XDH: variants seen among roughly 807,000 people sequenced by gnomAD.
XDH encodes the protein xanthine dehydrogenase, also known as xanthine dehydrogenase/oxidase.
In XDH, 138 loss-of-function variants were observed where a neutral mutation model predicts 156.1. The observed-to-expected ratio is 0.88, with a 90% CI of 0.77 to 1.02. XDH has a LOEUF of 1.02. Among genes scored for constraint, XDH ranks in the 50% least tolerant of loss-of-function variants. The pLI is 0.00. For synonymous variants in XDH, 669 were observed against 625.7 expected (o/e 1.07, Z -1.03); for missense variants, 1,849 against 1,684.9 (o/e 1.10, Z -1.71).
rs1572538942 is a variant in XDH at position 31,372,290 on chromosome 2, A to G, written c.1794T>C (p.Pro598=). 6.2e-7 allele frequency: 1 copy of G among 1,614,218 alleles called. No homozygotes were observed. The highest frequency in any genetic ancestry group is 2.2e-5 in the East Asian group (1 of 44,882). Residue 598 remains proline (P), a synonymous_variant, in exon 17 of 36, where the codon CCT becomes CCC. Transcript: ENST00000379416. The stretch of plus-strand genomic sequence containing the variant: ...GGAGAGACAGCTCATTCTCGTAGCG[A>G]GGAATGTCGTCACAGTACACGGCCT... The part of the protein sequence containing the change: ...SGEAVYCDDI[P]RYENELSLRL...
intron 24 of XDH, among the ~76,000 whole-genome samples, chr2:31,362,620 TC>T (rs1685805708): frequency 6.6e-6 from 1 of 152,222 alleles, no homozygotes; most frequent in Admixed American, 6.5e-5. Context: ...TTACTAAAAT[TC>T]AGCTCATCTT....
chr2:31,372,156 G>A, intron 17 of XDH, 72 bp downstream of exon 17: 1 of 1,610,982 alleles, frequency 6.2e-7, no homozygotes, highest in South Asian at 1.1e-5. Flanking sequence ...AGCAGGGTGA[G>A]AGAAGTCTCC....
intron 24 of XDH, among the ~76,000 whole-genome samples, chr2:31,354,626 G>A (rs933514967): frequency 6.6e-6 from 1 of 152,120 alleles, no homozygotes; most frequent in African/African-American, 2.4e-5. Flanking sequence ...GAATTGAAAA[G>A]GCAACAACCA....
At chr2:31,365,136 T>C (rs1027593192) in intron 23 of XDH, among the ~76,000 whole-genome samples, 3 of 152,222 alleles carry the variant, frequency 2.0e-5, no homozygotes, top group Non-Finnish European at 4.4e-5. Flanking sequence ...CCTGTGATCA[T>C]GTTAATGTTG....
At chr2:31,356,020 G>A (rs114954044) in intron 24 of XDH, among the ~76,000 whole-genome samples, 2 of 152,228 alleles carry the variant, frequency 1.3e-5, no homozygotes, top group Non-Finnish European at 2.9e-5. Context: ...AATTACCAGA[G>A]ACAGAGAGAA....
At chr2:31,337,892 G>T in intron 34 of XDH, 75 bp from the exon 35 acceptor site, 2 of 1,539,492 alleles carry the variant, frequency 1.3e-6, no homozygotes, top group East Asian at 2.3e-5. Context: ...GGACCTAGGA[G>T]GCCAGGCAGC....
chr2:31,410,287 G>A (rs963385625), intron 1 of XDH, among the ~76,000 whole-genome samples: 1 of 152,270 alleles, frequency 6.6e-6, no homozygotes, highest in African/African-American at 2.4e-5. Flanking sequence ...AAGAAGTTAT[G>A]GAGGTGGACG....
chr2:31,412,150 A>G (rs966146526), intron 1 of XDH, among the ~76,000 whole-genome samples: 1 of 152,222 alleles, frequency 6.6e-6, no homozygotes, highest in African/African-American at 2.4e-5. Context: ...GCTGCCTTGC[A>G]AAAAGGCTGT....
intron 16 of XDH, 90 bp downstream of exon 16, chr2:31,373,783 C>T: frequency 7.6e-7 from 1 of 1,307,632 alleles, no homozygotes; most frequent in Admixed American, 1.9e-5. Flanking sequence ...ATATACAATT[C>T]AAGTTAGTCA....
chr2:31,375,019 CTTTCTTTT>C (rs1686195820), intron 15 of XDH, among the ~76,000 whole-genome samples: 3 of 101,248 alleles, frequency 3.0e-5, no homozygotes, highest in Non-Finnish European at 5.7e-5. Flanking sequence ...TTCTTTCTTT[CTTTCTTTT>C]TTTTTTTTTT....
At position 31,414,630 on chromosome 2, in the gene XDH, T is replaced by C; in HGVS notation, c.37A>G (p.Arg13Gly). ...ADKLVFFVNG[R>G]KVVEKNADPE... is the part of the protein sequence containing the mutation. Reference sequence around the variant, plus strand: ...AAAGGTCAGCTCCTACTTACCTTTCTGCCATTCACAAAGAAAACCAATTTG... The same window carrying C: ...AAAGGTCAGCTCCTACTTACCTTTCCGCCATTCACAAAGAAAACCAATTTG... The change falls in exon 1 of 36, where the codon AGA becomes GGA. Residue 13 changes from arginine to glycine, a missense_variant. Transcript: ENST00000379416. The C allele has an allele frequency of 6.2e-7, 1 of 1,614,134 alleles. No individual in the cohort carries two copies. Among genetic ancestry groups the C allele is most frequent in the South Asian group, 1.1e-5 (1 of 91,084 alleles).
intron 26 of XDH, 90 bp from the exon 27 acceptor site, chr2:31,349,070 T>C (rs2148755804): frequency 1.5e-6 from 2 of 1,302,116 alleles, no homozygotes; most frequent in East Asian, 2.5e-5. Context: ...CAGGACATCC[T>C]TGGGGTTGCC....
At chr2:31,342,122 T>C in intron 32 of XDH, 61 bp downstream of exon 32, 2 of 1,459,092 alleles carry the variant, frequency 1.4e-6, no homozygotes, top group Non-Finnish European at 1.9e-6. Flanking sequence ...CTCTAGGTAT[T>C]ACAACTCAGT....
intron 24 of XDH, among the ~76,000 whole-genome samples, chr2:31,355,539 C>A (rs2148760406): frequency 6.6e-6 from 1 of 151,884 alleles, no homozygotes; most frequent in East Asian, 1.9e-4. Context: ...CTATACTTCA[C>A]CAAAACTAGT....
At position 31,370,443 on chromosome 2, in the gene XDH, C is replaced by T. The variant is rs1257515718; in HGVS notation, c.1892G>A (p.Gly631Glu). ...IDTSEAKKVP[G>E]FVCFISADDV... is the part of the protein sequence containing the mutation. ...ATCAGCGGAAATGAAACAAACAAAC[C>T]CTGGAACCTTCTTAGCTTCTGATGT... Residue 631 changes from glycine (G) to glutamate (E), a missense_variant, in exon 18 of 36, where the codon GGG (glycine) becomes GAG (glutamate). By Grantham distance (98) the Gly-to-Glu change is moderately conservative. Coordinates refer to ENST00000379416, the MANE Select transcript of XDH (RefSeq NM_000379.4). 1.9e-6 allele frequency: 3 copies of T among 1,613,964 alleles called. No homozygotes were observed. The African/African-American group carries it at 4.0e-5, about 22-fold the overall frequency.
At chr2:31,399,358 T>G (rs1686994890) in intron 4 of XDH, among the ~76,000 whole-genome samples, 1 of 152,106 alleles carries the variant, frequency 6.6e-6, no homozygotes, top group South Asian at 2.1e-4. Context: ...CTCAGGGCAC[T>G]GCAGCAATTA....
intron 29 of XDH, among the ~76,000 whole-genome samples, chr2:31,347,264 C>G (rs922747519): frequency 1.3e-5 from 2 of 152,214 alleles, no homozygotes. Context: ...ATTCCAGAAG[C>G]CTCTGCTTTC....
At chr2:31,337,233 C>A (rs947143759) in intron 35 of XDH, among the ~76,000 whole-genome samples, 1 of 152,064 alleles carries the variant, frequency 6.6e-6, no homozygotes, top group African/African-American at 2.4e-5. Flanking sequence ...ATTATTTCCT[C>A]TTTTTCCCTC....
At chr2:31,380,192 G>T (rs1366269541) in intron 12 of XDH, among the ~76,000 whole-genome samples, 1 of 152,206 alleles carries the variant, frequency 6.6e-6, no homozygotes, top group African/African-American at 2.4e-5. Flanking sequence ...AACCAGTTCC[G>T]TGTAGGGGGA....
Sources: gnomAD v4.1 joint callset for allele counts (sites outside exome capture counted in the v4.1 genomes callset) on GRCh38, gnomAD v4.1.1 for gene constraint, MANE v1.5 for transcripts, NCBI Gene and HGNC (gene_info 2026-07-23, HGNC 2026-07-21) for gene names.